The following RNF138 variants were observed in gnomAD, a reference collection of about 807,000 sequenced individuals.
RNF138 encodes ring finger protein 138, also known as E3 ubiquitin-protein ligase RNF138.
RNF138 carries 12 observed loss-of-function variants against 31.0 expected under a neutral mutation model. The ratio of observed to expected loss-of-function variants is 0.39; its 90% CI spans 0.25 to 0.63. The LOEUF (loss-of-function observed/expected upper bound fraction) is 0.63. Among genes scored for constraint, RNF138 ranks in the 20% least tolerant of loss-of-function variants. The pLI, the probability that RNF138 is intolerant of heterozygous loss-of-function variation, is 0.52. For synonymous variants in RNF138, 105 were observed against 99.5 expected (o/e 1.06, Z -0.33); for missense variants, 192 against 300.1 (o/e 0.64, Z 2.66).
At chr18:32,102,195 CTTTTTTT>C (rs1167535943) in intron 2 of RNF138, among the ~76,000 whole-genome samples, 12 of 63,826 alleles carry the variant, frequency 1.9e-4, no homozygotes, top group South Asian at 6.3e-4. Flanking sequence ...CTTTTAGTTT[CTTTTTTT>C]TTTTTTTTTT....
Position 32,103,858 on chromosome 18 carries a change from C to T in RNF138, c.111-7896C>T, listed in dbSNP as rs1390823881. On this transcript the variant is annotated intron_variant, in intron 2 of 7. Coordinates refer to ENST00000261593, the MANE Select transcript of RNF138 (RefSeq NM_016271.5). The stretch of plus-strand genomic sequence containing the variant: ...GCGGGCACCTGTAGTCCCAGCTACT[C>T]GGGAGGCTGAGGCAGGAGATGGTGT... Among the ~76,000 whole-genome samples the T allele has an allele frequency of 1.5e-4, 6 of 41,276 alleles. No homozygotes were observed. In the East Asian group the frequency reaches 3.2e-3, roughly 22 times the overall value. The allele number at this position is 41,276 out of a possible 152,430, so 27.1% of individuals were successfully genotyped here.
At chr18:32,102,599 T>C (rs886493320) in intron 2 of RNF138, among the ~76,000 whole-genome samples, 1 of 152,104 alleles carries the variant, frequency 6.6e-6, no homozygotes, top group African/African-American at 2.4e-5. Context: ...GTTTGTCACC[T>C]GATTTATCAC....
intron 6 of RNF138, among the ~76,000 whole-genome samples, chr18:32,126,464 A>G (rs1431841027): frequency 6.6e-6 from 1 of 152,172 alleles, no homozygotes; most frequent in African/African-American, 2.4e-5. Context: ...CATTTGTGTA[A>G]TAAGAGATTT....
intron 6 of RNF138, 70 bp downstream of exon 6, chr18:32,124,915 G>A: frequency 2.6e-6 from 2 of 766,124 alleles, no homozygotes; most frequent in South Asian, 3.3e-5. Context: ...TTCACTTCAT[G>A]TATGCAAGAG....
At chr18:32,097,455 C>T (rs2039829731) in intron 2 of RNF138, among the ~76,000 whole-genome samples, 1 of 152,178 alleles carries the variant, frequency 6.6e-6, no homozygotes, top group South Asian at 2.1e-4. Flanking sequence ...TTCATATTTA[C>T]TTTTTTTAAT....
chr18:32,102,195 CTTTTTTTTTTTTTTTTTTT>C (rs1167535943), intron 2 of RNF138, among the ~76,000 whole-genome samples: 2 of 63,830 alleles, frequency 3.1e-5, no homozygotes, highest in Admixed American at 2.6e-4. Flanking sequence ...CTTTTAGTTT[CTTTTTTTTTTTTTTTTTTT>C]TTTTTGAGAC....
In RNF138 at chr18:32,092,771, C is replaced by T. The variant is rs1466087731; in HGVS notation, c.-6C>T. The T allele has an allele frequency of 6.4e-7, 1 of 1,557,222 alleles. No homozygotes were observed. The highest frequency in any genetic ancestry group is 1.8e-5 in the Admixed American group (1 of 54,498). On this transcript the variant is annotated 5_prime_UTR_variant, in exon 2 of 8. Transcript: ENST00000261593. ...TCGCCATCGCCTTGTTTCCCCATCC[C>T]CCGCCATGGCCGAGGACCTCTCTGC...
chr18:32,095,212 C>T (rs1035141004), intron 2 of RNF138, among the ~76,000 whole-genome samples: 24 of 152,022 alleles, frequency 1.6e-4, no homozygotes, highest in Admixed American at 4.6e-4. Flanking sequence ...TTCTGTTGTC[C>T]AGGGTGGAGT....
chr18:32,116,739 G>GA (rs1403101639), intron 4 of RNF138, among the ~76,000 whole-genome samples: 1 of 151,452 alleles, frequency 6.6e-6, no homozygotes, highest in Non-Finnish European at 1.5e-5. Context: ...TTTTGGGGTG[G>GA]GGGGGTGGTT....
intron 4 of RNF138, among the ~76,000 whole-genome samples, chr18:32,114,160 CTG>C (rs2040178603): frequency 6.6e-6 from 1 of 152,102 alleles, no homozygotes; most frequent in African/African-American, 2.4e-5. Flanking sequence ...GATTTTGCAA[CTG>C]AAATGATTTG....
chr18:32,111,431 A>G (rs2040127887), intron 2 of RNF138, among the ~76,000 whole-genome samples: 1 of 152,210 alleles, frequency 6.6e-6, no homozygotes, highest in South Asian at 2.1e-4. Flanking sequence ...TGGCAGAGCC[A>G]GGATCCGGTT....
intron 4 of RNF138, among the ~76,000 whole-genome samples, chr18:32,115,213 A>G (rs758489833): frequency 3.3e-5 from 5 of 152,166 alleles, no homozygotes; most frequent in African/African-American, 9.7e-5. Flanking sequence ...TTTAATGACC[A>G]AATTTTCTTA....
intron 2 of RNF138, among the ~76,000 whole-genome samples, chr18:32,099,649 C>T (rs1354144522): frequency 6.6e-6 from 1 of 152,150 alleles, no homozygotes; most frequent in Non-Finnish European, 1.5e-5. Flanking sequence ...AAATGATCTG[C>T]CCCGCCTCGG....
chr18:32,107,442 A>G (rs899753890), intron 2 of RNF138, among the ~76,000 whole-genome samples: 1 of 147,810 alleles, frequency 6.8e-6, no homozygotes, highest in African/African-American at 2.5e-5. Context: ...TTTTCTAGTA[A>G]TTTGTCCTTT....
chr18:32,116,964 C>T lies in RNF138; in HGVS notation c.392+3104C>T, dbSNP rs551157952. Among the ~76,000 whole-genome samples, 47 of 152,212 alleles carry T rather than the reference C, an allele frequency of 3.1e-4. 1 individual carries two copies. The highest frequency in any genetic ancestry group is 6.8e-3 in the Middle Eastern group (2 of 294). On this transcript the variant is annotated intron_variant, in intron 4 of 7. Transcript: ENST00000261593. Reference sequence around the variant, plus strand: ...TCTCCCAGGCTGGAGTGCAGTGGTGCGATCTCAGCTCACTACAACATCGAC... The same window carrying T: ...TCTCCCAGGCTGGAGTGCAGTGGTGTGATCTCAGCTCACTACAACATCGAC...
At chr18:32,123,624 C>A in intron 5 of RNF138, 50 bp downstream of exon 5, 13 of 1,098,006 alleles carry the variant, frequency 1.2e-5, no homozygotes, top group South Asian at 1.5e-5. Flanking sequence ...TTATATTTAT[C>A]ACTTATCAAA....
chr18:32,123,502 C>T lies in RNF138; in HGVS notation c.393-16C>T, dbSNP rs528446026. On this transcript the variant is annotated splice_polypyrimidine_tract_variant and intron_variant, in intron 4 of 7. Transcript: ENST00000261593. ...ATTACTTTGAGGTATTAACTTTTTC[C>T]CCTGTGCTTCTTAAGCAATAGGAGT... 1.2e-5 allele frequency: 18 copies of T among 1,543,430 alleles called. 1 individual carries two copies. In the South Asian group the frequency reaches 2.0e-4, roughly 18 times the overall value.
At chr18:32,092,587 G>T (rs1251524054) in intron 1 of RNF138, 113 bp from the exon 2 acceptor site, 1 of 578,450 alleles carries the variant, frequency 1.7e-6, no homozygotes, top group East Asian at 3.1e-5. Context: ...CTTGCCCGGC[G>T]CGTGCGGCAG....
Position 32,111,760 on chromosome 18 carries a change from T to C in RNF138, c.117T>C (p.Cys39=), listed in dbSNP as rs918629496. The change falls in exon 3 of 8, where the codon TGT becomes TGC. Residue 39 remains cysteine (C), a synonymous_variant. Coordinates refer to ENST00000261593, the MANE Select transcript of RNF138 (RefSeq NM_016271.5). ...GTCACAATGTTTGGTTTAGTTTCTG[T>C]AGAAAATGTTTCCTGACTGCAATGA... ...VRTTACQHVF[C]RKCFLTAMRE... The C allele has an allele frequency of 2.5e-6, 4 of 1,611,058 alleles. No individual in the cohort carries two copies. The African/African-American group carries it at 4.0e-5, about 16-fold the overall frequency.
Sources: allele counts gnomAD v4.1 joint callset (sites outside exome capture counted in the v4.1 genomes callset), GRCh38; gene constraint gnomAD v4.1.1; transcripts MANE v1.5; gene names NCBI Gene and HGNC (gene_info 2026-07-23, HGNC 2026-07-21).